The following ARFGAP3 variants were observed in gnomAD, a reference collection of about 807,000 sequenced individuals.
The protein encoded by ARFGAP3 is ARF GTPase activating protein 3.
A neutral mutation model predicts 75.0 loss-of-function variants in ARFGAP3; 72 were observed. The observed-to-expected ratio is 0.96, with a 90% CI of 0.79 to 1.17. The LOEUF (loss-of-function observed/expected upper bound fraction) is 1.17. ARFGAP3 is among the 50% of genes most tolerant of loss of function. The pLI, the probability that ARFGAP3 is intolerant of heterozygous loss-of-function variation, is 0.00. For synonymous variants in ARFGAP3, 221 were observed against 217.9 expected (o/e 1.01, Z -0.13); for missense variants, 620 against 626.6 (o/e 0.99, Z 0.11).
chr22:42,802,348 C>T (rs895628698), intron 14 of ARFGAP3, among the ~76,000 whole-genome samples: 2 of 151,512 alleles, frequency 1.3e-5, no homozygotes, highest in Non-Finnish European at 2.9e-5. Context: ...TGTAGTGGCG[C>T]GATCTTAGCT....
intron 2 of ARFGAP3, among the ~76,000 whole-genome samples, chr22:42,841,325 T>C (rs1926771094): frequency 6.6e-6 from 1 of 152,202 alleles, no homozygotes; most frequent in African/African-American, 2.4e-5. Context: ...AATTTGGTAA[T>C]GTGTCTCTAC....
At chr22:42,844,155 A>AT (rs2085702214) in intron 2 of ARFGAP3, among the ~76,000 whole-genome samples, 1 of 151,656 alleles carries the variant, frequency 6.6e-6, no homozygotes, top group Admixed American at 6.6e-5. Flanking sequence ...GGCTGCTTGG[A>AT]TTTTTTCCCA....
chr22:42,802,215 G>C (rs1376320947), intron 14 of ARFGAP3, among the ~76,000 whole-genome samples: 1 of 151,998 alleles, frequency 6.6e-6, no homozygotes, highest in Non-Finnish European at 1.5e-5. Flanking sequence ...GAGAGATTCT[G>C]ATCATATGGG....
intron 7 of ARFGAP3, among the ~76,000 whole-genome samples, chr22:42,826,075 GA>G (rs1388392617): frequency 6.6e-5 from 10 of 152,118 alleles, no homozygotes; most frequent in Non-Finnish European, 1.5e-5. Flanking sequence ...AAACTCTGAC[GA>G]GTCTAAAACA....
intron 2 of ARFGAP3, among the ~76,000 whole-genome samples, chr22:42,845,290 C>G (rs1328637551): frequency 6.7e-6 from 1 of 149,098 alleles, no homozygotes. Context: ...TTTGGGAGGC[C>G]GAGGCGGGCA....
intron 15 of ARFGAP3, among the ~76,000 whole-genome samples, chr22:42,798,183 C>A (rs752216212): frequency 2.2e-4 from 33 of 152,100 alleles, no homozygotes; most frequent in Non-Finnish European, 4.4e-4. Flanking sequence ...ATTTTAACTT[C>A]AGTGCCACAT....
chr22:42,817,769 C>G lies in ARFGAP3; in HGVS notation c.901G>C (p.Asp301His). ...AATCCCATGCCGAGTCTGTCTGAGT[C>G]AACATTTTTTTTGCCACTAATGTTC... ...KMNISGKKNV[D>H]SDRLGMGFGN... The change falls in exon 10 of 16, where the codon GAC becomes CAC. Residue 301 changes from aspartate (D) to histidine (H), a missense_variant. Physicochemically the swap from Asp to His is moderately conservative, Grantham distance 81. Transcript: ENST00000263245. The G allele has an allele frequency of 6.2e-7, 1 of 1,613,440 alleles. No individual in the cohort carries two copies. Among genetic ancestry groups the G allele is most frequent in the Non-Finnish European group, 8.5e-7 (1 of 1,179,760 alleles).
chr22:42,815,970 C>T (rs900376207), intron 11 of ARFGAP3, among the ~76,000 whole-genome samples: 5 of 152,132 alleles, frequency 3.3e-5, no homozygotes, highest in Non-Finnish European at 4.4e-5. Flanking sequence ...AAAAATTAGC[C>T]GGGTATGGTG....
intron 3 of ARFGAP3, among the ~76,000 whole-genome samples, chr22:42,840,014 TCTACCTCCCAGG>T (rs1282601318): frequency 6.6e-6 from 1 of 152,176 alleles, no homozygotes; most frequent in African/African-American, 2.4e-5. Flanking sequence ...CACTGCAACC[TCTACCTCCCAGG>T]CTCAAGAGAT....
At chr22:42,828,681 C>CTTTT (rs11379515) in intron 6 of ARFGAP3, among the ~76,000 whole-genome samples, 19 of 116,224 alleles carry the variant, frequency 1.6e-4, no homozygotes, top group Admixed American at 2.0e-4. Context: ...AGCCCCCGGC[C>CTTTT]TTTTTTTTTT....
chr22:42,847,830 T>C (rs1041381399), intron 1 of ARFGAP3, 198 bp from the exon 2 acceptor site: 2 of 178,100 alleles, frequency 1.1e-5, no homozygotes, highest in African/African-American at 5.0e-5. Flanking sequence ...TATATAATTA[T>C]ATTAATTATA....
chr22:42,799,101 C>T lies in ARFGAP3; in HGVS notation c.1471G>A (p.Gly491Arg), dbSNP rs746113604. The change falls in exon 15 of 16, where the codon GGA (glycine) becomes AGA (arginine). Residue 491 changes from glycine (G) to arginine (R), a missense_variant. Gly to Arg is a moderately radical substitution (Grantham distance 125). Transcript: ENST00000263245. ...AGTTTTCCAGCAACCGATCTCACTC[C>T]CTGCTTGAACTGCGCCATGTCGGGG... ...NAPDMAQFKQ[G>R]VRSVAGKLSV... is the part of the protein sequence containing the mutation. The T allele has an allele frequency of 5.6e-6, 9 of 1,614,076 alleles. No individual in the cohort carries two copies. Among genetic ancestry groups the T allele is most frequent in the African/African-American group, 2.7e-5 (2 of 74,928 alleles).
chr22:42,853,057 C>G (rs979577408), intron 1 of ARFGAP3, among the ~76,000 whole-genome samples: 1 of 152,218 alleles, frequency 6.6e-6, no homozygotes, highest in South Asian at 2.1e-4. Flanking sequence ...AGCCACCGCG[C>G]CCGGCCTATT....
intron 3 of ARFGAP3, among the ~76,000 whole-genome samples, chr22:42,837,549 A>T (rs910822239): frequency 6.9e-6 from 1 of 145,688 alleles, no homozygotes; most frequent in African/African-American, 2.5e-5. Flanking sequence ...GAGCCCAGGA[A>T]GTTGAGGCTG....
intron 2 of ARFGAP3, among the ~76,000 whole-genome samples, chr22:42,845,021 CCG>C (rs1926951117): frequency 6.6e-6 from 1 of 152,116 alleles, no homozygotes; most frequent in Admixed American, 6.5e-5. Context: ...ATAAAACCAC[CCG>C]ATTTCCTGGA....
intron 14 of ARFGAP3, among the ~76,000 whole-genome samples, chr22:42,804,280 G>A (rs1048048004): frequency 4.0e-5 from 6 of 151,498 alleles, no homozygotes; most frequent in Admixed American, 1.3e-4. Context: ...GTGCGATCTC[G>A]GCCACTGCAA....
In ARFGAP3 at chr22:42,817,908, A is replaced by G. The variant is rs369926693; in HGVS notation, c.813-51T>C. The G allele has an allele frequency of 2.8e-5, 40 of 1,408,178 alleles. No homozygotes were observed. The African/African-American group carries it at 5.8e-4, about 20-fold the overall frequency. The allele number at this position is 1,408,178 out of a possible 1,614,324, so 87.2% of individuals were successfully genotyped here. On this transcript the variant is annotated intron_variant, in intron 9 of 15. Transcript: ENST00000263245. ...AATTTAGCTTTAATCCTTTGTTCTT[A>G]TATTAAAATAGCAAGCAAAATTAAA...
At chr22:42,816,991 A>G in intron 11 of ARFGAP3, 151 bp downstream of exon 11, 2 of 502,082 alleles carry the variant, frequency 4.0e-6, no homozygotes, top group Non-Finnish European at 6.9e-6. Flanking sequence ...TCTAATTTTT[A>G]CTCCAAAGAA....
At chr22:42,801,481 T>C (rs1924858227) in intron 14 of ARFGAP3, among the ~76,000 whole-genome samples, 1 of 152,176 alleles carries the variant, frequency 6.6e-6, no homozygotes, top group South Asian at 2.1e-4. Flanking sequence ...TCCAAGCCCA[T>C]GGGGCCACCT....
Sources: allele counts gnomAD v4.1 joint callset (sites outside exome capture counted in the v4.1 genomes callset), GRCh38; gene constraint gnomAD v4.1.1; transcripts MANE v1.5; gene names NCBI Gene and HGNC (gene_info 2026-07-23, HGNC 2026-07-21).